The following TCF4 variants were observed in gnomAD, a reference collection of about 807,000 sequenced individuals.
TCF4 encodes SL3-3 enhancer factor 2.
Under a neutral mutation model 82.1 loss-of-function variants are expected in TCF4, and 3 were observed. The observed-to-expected ratio is 0.04, with a 90% CI of 0.02 to 0.09. The LOEUF (loss-of-function observed/expected upper bound fraction) is 0.09. Among genes scored for constraint, TCF4 ranks in the 10% least tolerant of loss-of-function variants. The pLI is 1.00. For synonymous variants in TCF4, 276 were observed against 309.6 expected (o/e 0.89, Z 1.14); for missense variants, 518 against 852.7 (o/e 0.61, Z 4.89).
At chr18:55,577,183 A>ATGTATATATATATTTATATATTTATAT (rs1603624176) in intron 3 of TCF4, among the ~76,000 whole-genome samples, 6 of 142,800 alleles carry the variant, frequency 4.2e-5, no homozygotes, top group East Asian at 2.0e-4. Context: ...TATATTTATA[A>ATGTATATATATATTTATATATTTATAT]ATGTATATAT....
chr18:55,597,990 A>C (rs998700301), intron 2 of TCF4, among the ~76,000 whole-genome samples: 3 of 152,224 alleles, frequency 2.0e-5, no homozygotes, highest in Non-Finnish European at 2.9e-5. Flanking sequence ...GAATTCATTC[A>C]AGATGAAAAA....
intron 1 of TCF4, chr18:55,631,463 T>A (rs2097731560): frequency 6.8e-7 from 1 of 1,462,050 alleles, no homozygotes; most frequent in Non-Finnish European, 9.3e-7. Flanking sequence ...GTACTGGTAG[T>A]CTGGGGAAGA....
chr18:55,394,889 C>G (rs936536776), intron 6 of TCF4, among the ~76,000 whole-genome samples: 2 of 152,190 alleles, frequency 1.3e-5, no homozygotes, highest in African/African-American at 4.8e-5. Flanking sequence ...TGCTTCAATT[C>G]TAAGCAGGTT....
intron 3 of TCF4, among the ~76,000 whole-genome samples, chr18:55,530,507 G>A (rs921218497): frequency 5.5e-5 from 8 of 144,302 alleles, no homozygotes; most frequent in African/African-American, 1.5e-4. Context: ...ATGGCTGGAC[G>A]GTAAAGGAAT....
At chr18:55,323,104 C>T (rs1268920975) in intron 8 of TCF4, among the ~76,000 whole-genome samples, 1 of 151,572 alleles carries the variant, frequency 6.6e-6, no homozygotes, top group African/African-American at 2.4e-5. Context: ...AAATATTATA[C>T]CAATCAACAA....
At chr18:55,350,132 C>G (rs2082020691) in intron 8 of TCF4, among the ~76,000 whole-genome samples, 1 of 152,170 alleles carries the variant, frequency 6.6e-6, no homozygotes, top group Non-Finnish European at 1.5e-5. Context: ...CTCTTTAGAG[C>G]TTAACCTGCT....
intron 8 of TCF4, among the ~76,000 whole-genome samples, chr18:55,300,387 G>A (rs1167297636): frequency 6.8e-6 from 1 of 148,054 alleles, no homozygotes; most frequent in South Asian, 2.2e-4. Context: ...CGGTCATTTG[G>A]AAGGCAGGGG....
At chr18:55,603,443 GTTAC>G (rs2097699257) in intron 2 of TCF4, among the ~76,000 whole-genome samples, 1 of 152,082 alleles carries the variant, frequency 6.6e-6, no homozygotes, top group African/African-American at 2.4e-5. Flanking sequence ...ATTATGAATT[GTTAC>G]TTAAGAATTA....
chr18:55,597,199 C>T (rs934135000), intron 2 of TCF4, among the ~76,000 whole-genome samples: 2 of 152,076 alleles, frequency 1.3e-5, no homozygotes, highest in Non-Finnish European at 2.9e-5. Flanking sequence ...CATAAATTAC[C>T]CAGTCTTAGG....
chr18:55,634,296 A>C (rs6566169), intron 1 of TCF4, among the ~76,000 whole-genome samples: 64,103 of 151,984 alleles, frequency 0.42, 16,035 homozygotes, highest in Admixed American at 0.61. Flanking sequence ...AAAACAAAAA[A>C]AAAAACTAGA....
intron 2 of TCF4, among the ~76,000 whole-genome samples, chr18:55,626,478 T>C (rs1203752417): frequency 1.3e-5 from 2 of 152,228 alleles, no homozygotes; most frequent in African/African-American, 2.4e-5. Context: ...ATTTTATATA[T>C]GTTTGGTGTT....
chr18:55,228,447 CT>C, intron 18 of TCF4, 86 bp from the exon 19 acceptor site: 1 of 1,560,738 alleles, frequency 6.4e-7, no homozygotes, highest in Non-Finnish European at 8.7e-7. Flanking sequence ...CGTGTCTGAC[CT>C]TTTTCTCAGT....
chr18:55,466,913 G>C (rs914588141), intron 3 of TCF4, among the ~76,000 whole-genome samples: 1 of 152,108 alleles, frequency 6.6e-6, no homozygotes, highest in Non-Finnish European at 1.5e-5. Flanking sequence ...ATAGATTCCT[G>C]ACCAATCGGA....
intron 15 of TCF4, among the ~76,000 whole-genome samples, chr18:55,254,200 C>A (rs140185430): frequency 6.6e-6 from 1 of 152,076 alleles, no homozygotes; most frequent in South Asian, 2.1e-4. Flanking sequence ...AGGAAGTAGA[C>A]AAGTGGTTGC....
intron 6 of TCF4, among the ~76,000 whole-genome samples, chr18:55,403,143 C>T (rs1392976729): frequency 1.3e-5 from 2 of 152,108 alleles, no homozygotes; most frequent in Non-Finnish European, 2.9e-5. Flanking sequence ...TTCTTAATTG[C>T]AAATAAACTC....
chr18:55,357,929 T>C (rs978578719), intron 6 of TCF4, among the ~76,000 whole-genome samples: 2 of 152,220 alleles, frequency 1.3e-5, no homozygotes, highest in Admixed American at 1.3e-4. Flanking sequence ...TGAGATTATC[T>C]GGAGAAGTAG....
intron 15 of TCF4, among the ~76,000 whole-genome samples, chr18:55,246,221 T>C (rs1297774767): frequency 7.0e-6 from 1 of 143,560 alleles, no homozygotes; most frequent in Non-Finnish European, 1.5e-5. Context: ...ATAGGGTCTA[T>C]TTTAAATACA....
intron 11 of TCF4, chr18:55,267,496 C>T (rs1020123595): frequency 6.6e-6 from 1 of 152,058 alleles, no homozygotes; most frequent in African/African-American, 2.4e-5. Context: ...AAACATGGGC[C>T]ACTCAGACAT....
intron 3 of TCF4, among the ~76,000 whole-genome samples, chr18:55,469,245 GC>G (rs1171700736): frequency 1.3e-5 from 2 of 152,034 alleles, no homozygotes; most frequent in African/African-American, 2.4e-5. Flanking sequence ...GGGCAGATCA[GC>G]TGAGGTCAGG....
Sources: allele counts gnomAD v4.1 joint callset (sites outside exome capture counted in the v4.1 genomes callset), GRCh38; gene constraint gnomAD v4.1.1; transcripts MANE v1.5; gene names NCBI Gene and HGNC (gene_info 2026-07-23, HGNC 2026-07-21).